The following PDXK variants were observed in gnomAD, a reference collection of about 807,000 sequenced individuals.
The protein encoded by PDXK is epididymis secretory sperm binding protein Li 1a.
Under a neutral mutation model 43.2 loss-of-function variants are expected in PDXK, and 15 were observed. The observed-to-expected ratio is 0.35, with a 90% confidence interval of 0.23 to 0.53. The LOEUF is 0.53. PDXK is among the 20% of genes least tolerant of loss of function. The pLI is 0.92. For missense variants in PDXK, 343 were observed against 417.0 expected (o/e 0.82, Z 1.54); for synonymous variants, 172 against 165.4 (o/e 1.04, Z -0.31).
chr21:43,732,093 C>G lies in PDXK; in HGVS notation c.88-1976C>G. 8.4e-7 allele frequency: 1 copy of G among 1,192,046 alleles called. No individual in the cohort carries two copies. The highest frequency in any genetic ancestry group is 1.1e-6 in the Non-Finnish European group (1 of 947,008). 73.8% of individuals were successfully genotyped at this position (1,192,046 alleles called of 1,614,324 possible). A position where few individuals can be genotyped will look rare whatever the true frequency, so the allele number is the denominator to read the frequency against. On this transcript the variant is annotated intron_variant, in intron 1 of 10. Coordinates refer to ENST00000291565, the MANE Select transcript of PDXK (RefSeq NM_003681.5). The surrounding 1 kb of genome is among the most constrained non-coding windows in gnomAD (Gnocchi z 4.1). ...CGCTGCCCCTGTGGGGAGAAGAGCC[C>G]CGGGGGAAGAAGAGCACTGCTGACA...
Position 43,737,109 on chromosome 21 carries a change from T to G in PDXK, c.142+2986T>G. The G allele has an allele frequency of 9.9e-7, 1 of 1,010,732 alleles. No homozygotes were observed. The highest frequency in any genetic ancestry group is 1.5e-6 in the Non-Finnish European group (1 of 668,550). The allele number at this position is 1,010,732 out of a possible 1,614,324, so 62.6% of individuals were successfully genotyped here. ...CAGCACGCCCACCTCCTGCCCAGGG[T>G]TGTTACTGGGGTGGTCACGTGGGCA... On this transcript the variant is annotated intron_variant, in intron 2 of 10. Coordinates refer to ENST00000291565, the MANE Select transcript of PDXK (RefSeq NM_003681.5). This position sits in a 1 kb window ranked among gnomAD's most constrained non-coding sequence, Gnocchi z 4.8.
chr21:43,732,083 G>A lies in PDXK; in HGVS notation c.88-1986G>A. The A allele has an allele frequency of 1.8e-6, 2 of 1,123,530 alleles. No homozygotes were observed. The highest frequency in any genetic ancestry group is 2.2e-6 in the Non-Finnish European group (2 of 891,904). The allele number at this position is 1,123,530 out of a possible 1,614,324, so 69.6% of individuals were successfully genotyped here. A position where few individuals can be genotyped will look rare whatever the true frequency, so the allele number is the denominator to read the frequency against. Reference sequence around the variant, plus strand: ...CGGTCACTACCGCTGCCCCTGTGGGGAGAAGAGCCCCGGGGGAAGAAGAGC... The same window carrying A: ...CGGTCACTACCGCTGCCCCTGTGGGAAGAAGAGCCCCGGGGGAAGAAGAGC... On this transcript the variant is annotated intron_variant, in intron 1 of 10. Transcript: ENST00000291565. The surrounding 1 kb of genome is among the most constrained non-coding windows in gnomAD (Gnocchi z 4.1).
chr21:43,752,574 C>T lies in PDXK; in HGVS notation c.567C>T (p.Asp189=). Reference sequence around the variant, plus strand: ...ACACCGTGGTCATCACCAGCTCCGACCTGCCCTCCCCGCAGGGCAGCAACT... The same window carrying T: ...ACACCGTGGTCATCACCAGCTCCGATCTGCCCTCCCCGCAGGGCAGCAACT... The part of the protein sequence containing the change: ...GPDTVVITSS[D]LPSPQGSNYL... Residue 189 remains aspartate (D), a synonymous_variant, in exon 8 of 11, where the codon GAC becomes GAT. Coordinates refer to ENST00000291565, the MANE Select transcript of PDXK (RefSeq NM_003681.5). 4 of 1,613,146 alleles carry T rather than the reference C, an allele frequency of 2.5e-6. No individual in the cohort carries two copies. Among genetic ancestry groups the T allele is most frequent in the Non-Finnish European group, 3.4e-6 (4 of 1,179,926 alleles).
At chr21:43,731,398 T>TC (rs1334714423) in intron 1 of PDXK, among the ~76,000 whole-genome samples, 1 of 152,206 alleles carries the variant, frequency 6.6e-6, no homozygotes, top group Non-Finnish European at 1.5e-5. Flanking sequence ...TCACCCACAC[T>TC]CAGGGGGTTG....
intron 4 of PDXK, 142 bp downstream of exon 4, chr21:43,743,949 C>A: frequency 1.5e-6 from 1 of 663,472 alleles, no homozygotes; most frequent in Non-Finnish European, 2.7e-6. Context: ...TGAATTGTGT[C>A]TGCTGGGCCT....
In PDXK at chr21:43,732,303, G is replaced by T; in HGVS notation, c.88-1766G>T. On this transcript the variant is annotated intron_variant, in intron 1 of 10. Transcript: ENST00000291565. The surrounding 1 kb of genome is among the most constrained non-coding windows in gnomAD (Gnocchi z 4.1). ...CCTTTCTCTGGGGTCCCAGGCTCCC[G>T]TCCTGGACCTTGGCACCCCGCCCCC... 6.3e-7 allele frequency: 1 copy of T among 1,596,786 alleles called. No homozygotes were observed. The highest frequency in any genetic ancestry group is 8.5e-7 in the Non-Finnish European group (1 of 1,170,468).
chr21:43,741,548 T>C (rs781127138), intron 2 of PDXK, 119 bp from the exon 3 acceptor site: 5 of 1,521,846 alleles, frequency 3.3e-6, no homozygotes, highest in South Asian at 2.6e-5. Context: ...TTTGAGCCAG[T>C]CCATGGGGAG....
intron 7 of PDXK, among the ~76,000 whole-genome samples, chr21:43,751,146 C>T (rs982831859): frequency 1.3e-5 from 2 of 152,170 alleles, no homozygotes; most frequent in African/African-American, 4.8e-5. Flanking sequence ...TCCTTTTTCT[C>T]CGGGACTTGG....
At position 43,726,813 on chromosome 21, in the gene PDXK, GT is replaced by G. The variant is rs1287846715; in HGVS notation, c.88-7253del. 3.9e-5 allele frequency among the ~76,000 whole-genome samples: 6 copies of G among 152,116 alleles called. No homozygotes were observed. In the East Asian group the frequency reaches 1.2e-3, roughly 29 times the overall value. On this transcript the variant is annotated intron_variant, in intron 1 of 10. Coordinates refer to ENST00000291565, the MANE Select transcript of PDXK (RefSeq NM_003681.5). ...GGGTGTGCATGTGTGTACGTGGTGT[GT>G]TTGTGTACACTGTGTGTGTATGTGG... is the stretch of plus-strand genomic sequence containing the variant.
At chr21:43,728,744 G>A in intron 1 of PDXK, 1 of 985,752 alleles carries the variant, frequency 1.0e-6, no homozygotes, top group Non-Finnish European at 1.2e-6. Flanking sequence ...GGAGGACTGC[G>A]GGCTGCGCCT....
rs2083940643 is a variant in PDXK at position 43,762,077 on chromosome 21, T to C, written c.*6014T>C. 6.5e-6 allele frequency: 1 copy of C among 153,708 alleles called. No homozygotes were observed. Among genetic ancestry groups the C allele is most frequent in the Non-Finnish European group, 1.5e-5 (1 of 68,064 alleles). The allele number at this position is 153,708 out of a possible 1,614,324, so 9.5% of individuals were successfully genotyped here. On this transcript the variant is annotated 3_prime_UTR_variant, in exon 11 of 11. Coordinates refer to ENST00000291565, the MANE Select transcript of PDXK (RefSeq NM_003681.5). ...CCCTCCGTGGAATGGAGCTCAGCTCTTCGGAGGCATCAAAGCACCTGTCGC... is the reference window on the plus strand; with the variant it reads ...CCCTCCGTGGAATGGAGCTCAGCTCCTCGGAGGCATCAAAGCACCTGTCGC...
intron 7 of PDXK, 66 bp downstream of exon 7, chr21:43,750,611 C>G (rs2083719530): frequency 2.3e-6 from 3 of 1,295,416 alleles, no homozygotes; most frequent in Non-Finnish European, 3.3e-6. Context: ...GGGAGACAGG[C>G]TGCCTGAGTG....
chr21:43,752,101 ATGTG>A (rs66466038), intron 7 of PDXK, among the ~76,000 whole-genome samples: 169 of 146,346 alleles, frequency 1.2e-3, no homozygotes, highest in African/African-American at 2.0e-3. Context: ...GATGCAGCAC[ATGTG>A]TGTGTGTGTG....
rs550901206 is a variant in PDXK, at chr21:43,734,281, T to G, written c.142+158T>G. 4.7e-4 allele frequency among the ~76,000 whole-genome samples: 69 copies of G among 147,776 alleles called. No individual in the cohort carries two copies. The highest frequency in any genetic ancestry group is 1.7e-3 in the African/African-American group (68 of 41,168). On this transcript the variant is annotated intron_variant, in intron 2 of 10. Coordinates refer to ENST00000291565, the MANE Select transcript of PDXK (RefSeq NM_003681.5). This position sits in a 1 kb window ranked among gnomAD's most constrained non-coding sequence, Gnocchi z 5.0. Reference sequence around the variant, plus strand: ...TCCTGGGCGTCGCTCGGGCAGAGCCTGCACAGCATATCAGGGTGTAGGCCT... The same window carrying G: ...TCCTGGGCGTCGCTCGGGCAGAGCCGGCACAGCATATCAGGGTGTAGGCCT...
chr21:43,740,440 G>A (rs1327140673), intron 2 of PDXK, among the ~76,000 whole-genome samples: 1 of 152,084 alleles, frequency 6.6e-6, no homozygotes, highest in South Asian at 2.1e-4. Flanking sequence ...CTTATTTGCT[G>A]AAAAAGGCAT....
At chr21:43,721,007 A>G (rs2083202412) in intron 1 of PDXK, among the ~76,000 whole-genome samples, 1 of 152,156 alleles carries the variant, frequency 6.6e-6, no homozygotes, top group Non-Finnish European at 1.5e-5. Flanking sequence ...TGGAGCCTCG[A>G]AAGGATGGCG....
rs2083374098 is a variant in PDXK, at chr21:43,734,616, T to TAA, written c.142+494_142+495dup. 1.3e-5 allele frequency among the ~76,000 whole-genome samples: 2 copies of TAA among 152,082 alleles called. No homozygotes were observed. The highest frequency in any genetic ancestry group is 4.1e-4 in the South Asian group (2 of 4,824). On this transcript the variant is annotated intron_variant, in intron 2 of 10. Coordinates refer to ENST00000291565, the MANE Select transcript of PDXK (RefSeq NM_003681.5). The surrounding 1 kb of genome is among the most constrained non-coding windows in gnomAD (Gnocchi z 5.0). The stretch of plus-strand genomic sequence containing the variant: ...GTAGGTGGTTCTGGGTTTTCTCTGT[T>TAA]AACAGCAGTGCTGCAGGGCCCCGTG...
Position 43,754,848 on chromosome 21 carries a change from C to T in PDXK, c.760-850C>T, listed in dbSNP as rs1055402772. ...CCCCCGGGGTACACCTCCTCCCCAA[C>T]AAGTCAGTTTCAGCTGAGTGTCCTG... On this transcript the variant is annotated intron_variant, in intron 9 of 10. Coordinates refer to ENST00000291565, the MANE Select transcript of PDXK (RefSeq NM_003681.5). The surrounding 1 kb of genome is among the most constrained non-coding windows in gnomAD (Gnocchi z 5.5). Among the ~76,000 whole-genome samples the T allele has an allele frequency of 6.6e-6, 1 of 152,170 alleles. No homozygotes were observed. The highest frequency in any genetic ancestry group is 2.1e-4 in the South Asian group (1 of 4,830).
At chr21:43,745,681 A>G (rs531386178) in intron 4 of PDXK, 1 of 190,300 alleles carries the variant, frequency 5.3e-6, no homozygotes, top group East Asian at 1.2e-4. Flanking sequence ...ACCTACTTCA[A>G]CTTGGCAGCT....
Sources: allele counts gnomAD v4.1 joint callset (sites outside exome capture counted in the v4.1 genomes callset), GRCh38; gene constraint gnomAD v4.1.1; non-coding constraint Gnocchi (gnomAD v3.1); transcripts MANE v1.5; gene names NCBI Gene and HGNC (gene_info 2026-07-23, HGNC 2026-07-21).